The following DGLUCY variants were observed in gnomAD, a reference collection of about 807,000 sequenced individuals.
DGLUCY encodes the protein D-glutamate cyclase.
DGLUCY carries 58 observed loss-of-function variants against 58.5 expected under a neutral mutation model. That is an observed-to-expected ratio of 0.99 (90% CI 0.80 to 1.23). The LOEUF is 1.23. Among genes scored for constraint, DGLUCY ranks in the 50% most tolerant of loss-of-function variants. The pLI, the probability that DGLUCY is intolerant of heterozygous loss-of-function variation, is 0.00. For synonymous variants in DGLUCY, 325 were observed against 314.1 expected (o/e 1.03, Z -0.37); for missense variants, 779 against 784.7 (o/e 0.99, Z 0.09).
chr14:91,110,175 T>C (rs566885023), upstream of DGLUCY, among the ~76,000 whole-genome samples: 28 of 152,368 alleles, frequency 1.8e-4, no homozygotes, highest in African/African-American at 6.5e-4. Context: ...CAGCTGAATA[T>C]TGTAATATTT....
At position 91,134,453 on chromosome 14, in the gene DGLUCY, T is replaced by TC. The variant is rs1352832115; in HGVS notation, c.-82+20171dup. On this transcript the variant is annotated intron_variant, in intron 1 of 13. Transcript: ENST00000256324. The stretch of plus-strand genomic sequence containing the variant: ...AAAATTACATTTCTTTTTTTTTTTT[T>TC]CTGGGATAGAGTCTCCATCTGTCAC... Among the ~76,000 whole-genome samples, 18 of 152,194 alleles carry TC rather than the reference T, an allele frequency of 1.2e-4. No individual in the cohort carries two copies. The East Asian group carries it at 1.7e-3, about 15-fold the overall frequency.
intron 1 of DGLUCY, among the ~76,000 whole-genome samples, chr14:91,136,340 A>T (rs1439726154): frequency 1.3e-5 from 2 of 152,168 alleles, no homozygotes; most frequent in African/African-American, 2.4e-5. Flanking sequence ...AGAGAAAAGC[A>T]TAACAGATTT....
At chr14:91,199,440 A>G (rs2050416304) in intron 10 of DGLUCY, among the ~76,000 whole-genome samples, 1 of 149,536 alleles carries the variant, frequency 6.7e-6, no homozygotes, top group Non-Finnish European at 1.5e-5. Context: ...TTTAGTAGAG[A>G]TGAGGTTTCA....
intron 1 of DGLUCY, among the ~76,000 whole-genome samples, chr14:91,085,563 G>GTTTTTTTTTTTTTT (rs869263434): frequency 8.0e-6 from 1 of 125,690 alleles, no homozygotes; most frequent in Non-Finnish European, 1.7e-5. Context: ...TTTTTTTTTT[G>GTTTTTTTTTTTTTT]TTTTTTTTTT....
chr14:91,184,280 GC>G (rs774231427), intron 8 of DGLUCY, among the ~76,000 whole-genome samples: 5 of 151,948 alleles, frequency 3.3e-5, no homozygotes, highest in Non-Finnish European at 7.4e-5. Context: ...GTGCAGACCA[GC>G]CCTAGAAATA....
chr14:91,177,473 A>T (rs2048926018), intron 7 of DGLUCY, among the ~76,000 whole-genome samples: 2 of 152,338 alleles, frequency 1.3e-5, no homozygotes, highest in South Asian at 2.1e-4. Context: ...TTGCAAGGTG[A>T]TTATAAACAA....
intron 1 of DGLUCY, among the ~76,000 whole-genome samples, chr14:91,073,850 A>G (rs561564321): frequency 6.6e-5 from 10 of 151,812 alleles, no homozygotes; most frequent in African/African-American, 2.4e-4. Context: ...GTCTTACTGC[A>G]TAAGATAAAT....
rs529771883 is a variant in DGLUCY at position 91,079,214 on chromosome 14, T to G, written c.-82+18510T>G. On this transcript the variant is annotated intron_variant, in intron 1 of 4. Coordinates refer to the DGLUCY transcript ENST00000521334. ...CCACCACGCCCAGCCTTATTTTGTG[T>G]TTTTTCAAAAATTTTTAACACTTGG... Among the ~76,000 whole-genome samples, 31 of 152,170 alleles carry G rather than the reference T, an allele frequency of 2.0e-4. 1 individual carries two copies. In the Middle Eastern group the frequency reaches 0.014, roughly 67 times the overall value.
intron 8 of DGLUCY, among the ~76,000 whole-genome samples, chr14:91,185,886 C>T (rs987574437): frequency 6.6e-6 from 1 of 152,086 alleles, no homozygotes; most frequent in Admixed American, 6.6e-5. Flanking sequence ...GTGTTGATGT[C>T]ATCTGTTAAG....
At chr14:91,183,034 C>T (rs981533202) in intron 8 of DGLUCY, among the ~76,000 whole-genome samples, 2 of 149,294 alleles carry the variant, frequency 1.3e-5, no homozygotes, top group African/African-American at 4.9e-5. Context: ...CTCTGTTGCC[C>T]AGGCTGGAGT....
At chr14:91,140,549 TA>T (rs1312398660) in intron 1 of DGLUCY, among the ~76,000 whole-genome samples, 1 of 152,088 alleles carries the variant, frequency 6.6e-6, no homozygotes, top group East Asian at 1.9e-4. Context: ...CACATGCCTG[TA>T]ATCCCAGCTA....
At chr14:91,118,890 G>A (rs2045170246) in intron 1 of DGLUCY, among the ~76,000 whole-genome samples, 1 of 152,150 alleles carries the variant, frequency 6.6e-6, no homozygotes, top group Non-Finnish European at 1.5e-5. Flanking sequence ...GGCCAAGGAA[G>A]GAGGATTGCT....
intron 1 of DGLUCY, among the ~76,000 whole-genome samples, chr14:91,063,041 A>G (rs1490909917): frequency 2.0e-5 from 3 of 152,230 alleles, no homozygotes; most frequent in Admixed American, 6.5e-5. Context: ...TAAACTTTCC[A>G]TTGTGATCAT....
At chr14:91,152,540 C>A (rs2047389500) in intron 1 of DGLUCY, among the ~76,000 whole-genome samples, 1 of 152,108 alleles carries the variant, frequency 6.6e-6, no homozygotes, top group Non-Finnish European at 1.5e-5. Context: ...ATTATAATAC[C>A]ATTTTTTAAA....
chr14:91,225,014 G>A lies in DGLUCY; in HGVS notation c.*181G>A, dbSNP rs1221083058. On this transcript the variant is annotated 3_prime_UTR_variant, in exon 14 of 14. Coordinates refer to ENST00000256324, the MANE Select transcript of DGLUCY (RefSeq NM_001102368.3). ...GGGAGGGGTTAGTGCAGGTGCTGTG[G>A]ACAAAGGACAACATTTCTCTGGGGC... 4 of 543,840 alleles carry A rather than the reference G, an allele frequency of 7.4e-6. No individual in the cohort carries two copies. The highest frequency in any genetic ancestry group is 1.2e-5 in the Non-Finnish European group (4 of 336,568). The allele number at this position is 543,840 out of a possible 1,614,324, so 33.7% of individuals were successfully genotyped here.
chr14:91,083,399 G>A (rs546757771), intron 1 of DGLUCY, among the ~76,000 whole-genome samples: 17 of 151,938 alleles, frequency 1.1e-4, no homozygotes, highest in Non-Finnish European at 2.2e-4. Flanking sequence ...GTGCATGCCT[G>A]TAATCCCAGC....
Position 91,204,807 on chromosome 14 carries a change from G to C in DGLUCY, c.1546G>C (p.Asp516His). 1 of 1,614,100 alleles carries C rather than the reference G, an allele frequency of 6.2e-7. No individual in the cohort carries two copies. Among genetic ancestry groups the C allele is most frequent in the East Asian group, 2.2e-5 (1 of 44,874 alleles). ...GDVIACDVEA[D>H]FAVIAGVSNW... ...TGTCATCGCCTGCGACGTGGAGGCT[G>C]ACTTTGCCGTCATTGCTGGTGAGCA... Residue 516 changes from aspartate to histidine, a missense_variant, in exon 12 of 14, where the codon GAC (aspartate) becomes CAC (histidine). Coordinates refer to ENST00000256324, the MANE Select transcript of DGLUCY (RefSeq NM_001102368.3).
At chr14:91,206,424 C>A (rs1884715992) in intron 12 of DGLUCY, among the ~76,000 whole-genome samples, 1 of 152,054 alleles carries the variant, frequency 6.6e-6, no homozygotes, top group Non-Finnish European at 1.5e-5. Context: ...ACTCTATCAC[C>A]CAGGCTGGAG....
At chr14:91,108,443 C>G (rs755146841) in intron 1 of DGLUCY, among the ~76,000 whole-genome samples, 1 of 145,912 alleles carries the variant, frequency 6.9e-6, no homozygotes. Flanking sequence ...CCGTCTAAGT[C>G]TTTAGACTTG....
Sources: allele counts gnomAD v4.1 joint callset (sites outside exome capture counted in the v4.1 genomes callset), GRCh38; gene constraint gnomAD v4.1.1; transcripts MANE v1.5; gene names NCBI Gene and HGNC (gene_info 2026-07-23, HGNC 2026-07-21).